DIAPH3: variants seen among roughly 807,000 people sequenced by gnomAD.
DIAPH3 encodes protein diaphanous homolog 3.
Under a neutral mutation model 144.3 loss-of-function variants are expected in DIAPH3, and 117 were observed. The observed-to-expected ratio is 0.81, with a 90% confidence interval of 0.70 to 0.95. The LOEUF is 0.95. Ranked by LOEUF, DIAPH3 falls within the 40% of genes least tolerant of loss-of-function variation. DIAPH3 has a pLI of 0.00. For synonymous variants in DIAPH3, 519 were observed against 488.9 expected (o/e 1.06, Z -0.81); for missense variants, 1,421 against 1,412.7 (o/e 1.01, Z -0.09).
At chr13:60,135,677 TTG>T (rs2059253332) in intron 1 of DIAPH3, among the ~76,000 whole-genome samples, 3 of 152,318 alleles carry the variant, frequency 2.0e-5, no homozygotes, top group South Asian at 2.1e-4. Context: ...GATCTGAGAA[TTG>T]TGTTTCTTTC....
chr13:59,711,445 T>C (rs1037602523), intron 27 of DIAPH3, among the ~76,000 whole-genome samples: 4 of 152,118 alleles, frequency 2.6e-5, no homozygotes, highest in African/African-American at 9.7e-5. Flanking sequence ...ACTTCTTTTG[T>C]TATTACCACA....
At chr13:59,789,145 A>C (rs762142376) in intron 25 of DIAPH3, among the ~76,000 whole-genome samples, 3 of 152,146 alleles carry the variant, frequency 2.0e-5, no homozygotes, top group Non-Finnish European at 2.9e-5. Flanking sequence ...GTGGGGGGGA[A>C]TGTATCTATT....
rs958410776 is a variant in DIAPH3, at chr13:59,690,772, A to T, written c.3320-23926T>A. 5.9e-5 allele frequency among the ~76,000 whole-genome samples: 9 copies of T among 152,200 alleles called. No homozygotes were observed. The East Asian group carries it at 1.7e-3, about 29-fold the overall frequency. On this transcript the variant is annotated intron_variant, in intron 27 of 27. Transcript: ENST00000400324. ...TGCTTAATTCATGCAATTGAAGCAA[A>T]CAATAATGGATTGCCTACTATGCAT...
chr13:59,754,704 T>G (rs1047633403), intron 27 of DIAPH3, among the ~76,000 whole-genome samples: 2 of 152,196 alleles, frequency 1.3e-5, no homozygotes, highest in African/African-American at 4.8e-5. Flanking sequence ...CTGAAGAAGG[T>G]AGATCTGAGA....
chr13:60,055,550 T>C (rs1594530100), intron 4 of DIAPH3, among the ~76,000 whole-genome samples: 1 of 151,930 alleles, frequency 6.6e-6, no homozygotes, highest in Non-Finnish European at 1.5e-5. Context: ...GTCTAATGTT[T>C]CTCCCATAGC....
At chr13:60,062,626 A>G (rs1408467897) in intron 4 of DIAPH3, among the ~76,000 whole-genome samples, 1 of 152,122 alleles carries the variant, frequency 6.6e-6, no homozygotes, top group African/African-American at 2.4e-5. Flanking sequence ...CTGTGAAGGA[A>G]CTTGAACAAA....
intron 17 of DIAPH3, among the ~76,000 whole-genome samples, chr13:59,952,440 A>G (rs573008145): frequency 8.6e-5 from 13 of 151,960 alleles, no homozygotes; most frequent in African/African-American, 3.2e-4. Flanking sequence ...AAATACCTAC[A>G]AAATGTGTTA....
chr13:60,001,751 A>T (rs1053244154), intron 9 of DIAPH3, among the ~76,000 whole-genome samples: 5 of 152,214 alleles, frequency 3.3e-5, no homozygotes, highest in African/African-American at 1.2e-4. Flanking sequence ...CAAGTGTTTA[A>T]AGAAATGCCA....
At chr13:59,711,826 A>G (rs2034762302) in intron 27 of DIAPH3, among the ~76,000 whole-genome samples, 2 of 151,466 alleles carry the variant, frequency 1.3e-5, no homozygotes, top group Non-Finnish European at 2.9e-5. Context: ...AGTTAACACT[A>G]AAAAAAAATT....
chr13:60,022,399 T>C (rs977208753), intron 5 of DIAPH3, among the ~76,000 whole-genome samples: 1 of 152,158 alleles, frequency 6.6e-6, no homozygotes, highest in Non-Finnish European at 1.5e-5. Flanking sequence ...TTTGTAGATC[T>C]CTTTACCAAG....
chr13:59,771,777 T>C (rs936994884), intron 27 of DIAPH3, among the ~76,000 whole-genome samples: 4 of 152,108 alleles, frequency 2.6e-5, no homozygotes, highest in African/African-American at 9.7e-5. Flanking sequence ...GACTATGAAA[T>C]GGAGATAAAA....
intron 22 of DIAPH3, among the ~76,000 whole-genome samples, chr13:59,857,126 C>A (rs1000605229): frequency 6.6e-6 from 1 of 152,036 alleles, no homozygotes; most frequent in African/African-American, 2.4e-5. Context: ...GTATCAAACT[C>A]ACTAACAAAT....
At chr13:59,710,158 G>A (rs1037640622) in intron 27 of DIAPH3, among the ~76,000 whole-genome samples, 4 of 151,738 alleles carry the variant, frequency 2.6e-5, no homozygotes, top group South Asian at 2.1e-4. Flanking sequence ...TGACGAGTTA[G>A]TGGGTGCAGC....
intron 14 of DIAPH3, among the ~76,000 whole-genome samples, chr13:59,976,548 T>G (rs766066128): frequency 6.6e-6 from 1 of 151,822 alleles, no homozygotes; most frequent in Non-Finnish European, 1.5e-5. Flanking sequence ...TACCTACAAA[T>G]AGGCCTCCAT....
chr13:60,163,516 G>T (rs1265110646), intron 1 of DIAPH3, 71 bp downstream of exon 1: 7 of 1,572,524 alleles, frequency 4.5e-6, no homozygotes, highest in Middle Eastern at 3.6e-4. Context: ...AAGTTCTTGT[G>T]GGCCCACCCT....
chr13:59,883,845 C>T (rs2045254605), intron 20 of DIAPH3, among the ~76,000 whole-genome samples: 1 of 152,186 alleles, frequency 6.6e-6, no homozygotes. Flanking sequence ...AAGTAACACC[C>T]TGCAATGAGC....
At chr13:60,147,942 GCTATTGCAAT>G (rs5803987) in intron 1 of DIAPH3, among the ~76,000 whole-genome samples, 101,473 of 151,340 alleles carry the variant, frequency 0.67, 34,410 homozygotes, top group Admixed American at 0.76. Context: ...CAGTTAGGAA[GCTATTGCAAT>G]CTATTGCAAT....
At chr13:59,678,899 G>A (rs1163496766) in intron 27 of DIAPH3, among the ~76,000 whole-genome samples, 3 of 152,128 alleles carry the variant, frequency 2.0e-5, no homozygotes, top group African/African-American at 7.2e-5. Flanking sequence ...TTTAAAAGCT[G>A]TAAGTTATCT....
intron 1 of DIAPH3, among the ~76,000 whole-genome samples, chr13:60,142,947 C>T (rs2138326954): frequency 1.3e-5 from 2 of 151,464 alleles, no homozygotes; most frequent in East Asian, 2.0e-4. Context: ...AGACGGCGGT[C>T]CCACTATGTT....
Sources: gnomAD v4.1 joint callset for allele counts (sites outside exome capture counted in the v4.1 genomes callset) on GRCh38, gnomAD v4.1.1 for gene constraint, MANE v1.5 for transcripts, NCBI Gene and HGNC (gene_info 2026-07-23, HGNC 2026-07-21) for gene names.